Variants in NXN observed in about 807,000 individuals in gnomAD.
NXN encodes the protein nucleoredoxin 1.
NXN carries 16 observed loss-of-function variants against 48.6 expected under a neutral mutation model. The ratio of observed to expected loss-of-function variants is 0.33; its 90% confidence interval spans 0.22 to 0.50. NXN has a LOEUF of 0.50. Among genes scored for constraint, NXN ranks in the 20% least tolerant of loss-of-function variants. The pLI is 0.98. For synonymous variants in NXN, 281 were observed against 269.6 expected (o/e 1.04, Z -0.41); for missense variants, 492 against 605.5 (o/e 0.81, Z 1.97).
At position 872,724 on chromosome 17, in the gene NXN, G is replaced by A. The variant is rs543672774; in HGVS notation, c.361-46646C>T. Among the ~76,000 whole-genome samples, 33 of 148,392 alleles carry A rather than the reference G, an allele frequency of 2.2e-4. 1 individual carries two copies. Among genetic ancestry groups the A allele is most frequent in the East Asian group, 1.8e-3 (9 of 4,998 alleles). ...CAACCTCTGCCTCCTGGCCTCAAGCGAGTCTCCTGCCTCAACCTCCCAAGT... is the reference window on the plus strand; with the variant it reads ...CAACCTCTGCCTCCTGGCCTCAAGCAAGTCTCCTGCCTCAACCTCCCAAGT... On this transcript the variant is annotated intron_variant, in intron 1 of 7. Coordinates refer to ENST00000336868, the MANE Select transcript of NXN (RefSeq NM_022463.5).
Position 951,034 on chromosome 17 carries a change from C to T in NXN, c.360+28285G>A, listed in dbSNP as rs150381612. On this transcript the variant is annotated intron_variant, in intron 1 of 7. Coordinates refer to ENST00000336868, the MANE Select transcript of NXN (RefSeq NM_022463.5). The stretch of plus-strand genomic sequence containing the variant: ...AAAACCGGGTAGAACCCTAGTACTC[C>T]GCATTATAAAAAGCACTTCCGGCCG... Among the ~76,000 whole-genome samples, 64 of 151,958 alleles carry T rather than the reference C, an allele frequency of 4.2e-4. 1 individual carries two copies. The East Asian group carries it at 0.011, about 26-fold the overall frequency.
chr17:918,723 G>A (rs1200548759), intron 1 of NXN, among the ~76,000 whole-genome samples: 2 of 147,226 alleles, frequency 1.4e-5, no homozygotes, highest in Non-Finnish European at 3.0e-5. Context: ...CACCCGGGAG[G>A]CAGAGGCTGC....
chr17:888,040 G>A (rs528685749), intron 1 of NXN, among the ~76,000 whole-genome samples: 2 of 152,264 alleles, frequency 1.3e-5, no homozygotes, highest in African/African-American at 2.4e-5. Flanking sequence ...GCCAGGTACA[G>A]CACATGCTCA....
chr17:874,570 C>T (rs901810548), intron 1 of NXN, among the ~76,000 whole-genome samples: 2 of 152,036 alleles, frequency 1.3e-5, no homozygotes, highest in Non-Finnish European at 1.5e-5. Context: ...GGTGACAGAG[C>T]GAGACTCTGT....
At chr17:869,741 T>C (rs967877506) in intron 1 of NXN, among the ~76,000 whole-genome samples, 1 of 152,164 alleles carries the variant, frequency 6.6e-6, no homozygotes, top group Admixed American at 6.5e-5. Flanking sequence ...AGTCATAAAA[T>C]CTTGACGCTC....
chr17:805,020 T>TCCCCCCCCCCACCCCCC, intron 6 of NXN, 48 bp downstream of exon 6: 3 of 1,512,868 alleles, frequency 2.0e-6, no homozygotes, highest in Non-Finnish European at 2.7e-6. Flanking sequence ...GCCCCTCCTG[T>TCCCCCCCCCCACCCCCC]CCCGCCCCCC....
At chr17:848,351 G>A (rs536610481) in intron 1 of NXN, among the ~76,000 whole-genome samples, 1 of 152,228 alleles carries the variant, frequency 6.6e-6, no homozygotes, top group Non-Finnish European at 1.5e-5. Flanking sequence ...TGTTGGCCAG[G>A]GCTGGGCTCA....
chr17:926,779 C>T (rs990783919), intron 1 of NXN, among the ~76,000 whole-genome samples: 3 of 151,598 alleles, frequency 2.0e-5, no homozygotes, highest in Middle Eastern at 3.4e-3. Flanking sequence ...TGAGCTCAAG[C>T]GATCTGCCCG....
chr17:819,155 C>T (rs376475093), intron 5 of NXN: 1 of 418,858 alleles, frequency 2.4e-6, no homozygotes, highest in South Asian at 2.1e-5. Flanking sequence ...CCGTGTTGTC[C>T]AAACTGGTCT....
chr17:856,009 A>G (rs1307142474), intron 1 of NXN, among the ~76,000 whole-genome samples: 1 of 152,134 alleles, frequency 6.6e-6, no homozygotes, highest in Non-Finnish European at 1.5e-5. Flanking sequence ...CCTGGCCAAC[A>G]TGGTGAAACC....
At chr17:811,955 T>G (rs1443386969) in intron 5 of NXN, among the ~76,000 whole-genome samples, 1 of 131,668 alleles carries the variant, frequency 7.6e-6, no homozygotes, top group African/African-American at 3.0e-5. Context: ...TGAGACGGAG[T>G]CTCGCTCTGT....
At chr17:904,098 C>T (rs1414628987) in intron 1 of NXN, among the ~76,000 whole-genome samples, 1 of 152,182 alleles carries the variant, frequency 6.6e-6, no homozygotes, top group Admixed American at 6.5e-5. Flanking sequence ...TGTAGAATTC[C>T]TGCCAAGAAT....
intron 5 of NXN, among the ~76,000 whole-genome samples, chr17:815,711 GC>G (rs2144620764): frequency 6.6e-6 from 1 of 152,382 alleles, no homozygotes; most frequent in East Asian, 1.9e-4. Context: ...AGATCCCTAA[GC>G]TCTGCAAAGC....
Position 830,830 on chromosome 17 carries a change from A to G in NXN, c.361-4752T>C, listed in dbSNP as rs1414105223. Among the ~76,000 whole-genome samples the G allele has an allele frequency of 6.6e-6, 1 of 152,098 alleles. No individual in the cohort carries two copies. The highest frequency in any genetic ancestry group is 1.9e-4 in the East Asian group (1 of 5,162). On this transcript the variant is annotated intron_variant, in intron 1 of 7. Coordinates refer to ENST00000336868, the MANE Select transcript of NXN (RefSeq NM_022463.5). This position sits in a 1 kb window ranked among gnomAD's most constrained non-coding sequence, Gnocchi z 4.2. ...AGCCTGGCCAACACGGTGAAAGCCC[A>G]TCTCTACTAAAAATATAAAATTAAC... is the stretch of plus-strand genomic sequence containing the variant.
At chr17:939,025 C>T (rs944388272) in intron 1 of NXN, among the ~76,000 whole-genome samples, 2 of 151,762 alleles carry the variant, frequency 1.3e-5, no homozygotes, top group African/African-American at 4.8e-5. Flanking sequence ...GCACTCCAGC[C>T]TGGGCGACAA....
chr17:816,193 G>T (rs574714941), intron 5 of NXN, among the ~76,000 whole-genome samples: 2 of 152,264 alleles, frequency 1.3e-5, no homozygotes, highest in South Asian at 4.1e-4. Flanking sequence ...CCACTGTCCA[G>T]TTACAATCAG....
intron 1 of NXN, among the ~76,000 whole-genome samples, chr17:896,356 A>G (rs1277435835): frequency 6.6e-6 from 1 of 151,350 alleles, no homozygotes; most frequent in Admixed American, 6.6e-5. Context: ...AAAAAAAAAA[A>G]TTAAGTAAGC....
At chr17:822,135 C>T (rs550258437) in intron 4 of NXN, among the ~76,000 whole-genome samples, 46 of 151,784 alleles carry the variant, frequency 3.0e-4, no homozygotes, top group African/African-American at 1.1e-3. Context: ...AAAAATTAGC[C>T]GGGCATGGTG....
intron 1 of NXN, among the ~76,000 whole-genome samples, chr17:877,423 G>A (rs1314395082): frequency 2.6e-5 from 4 of 152,156 alleles, no homozygotes; most frequent in Admixed American, 6.5e-5. Flanking sequence ...TGGAATTACA[G>A]GCGTGAGCCA....
Sources: allele counts gnomAD v4.1 joint callset (sites outside exome capture counted in the v4.1 genomes callset), GRCh38; gene constraint gnomAD v4.1.1; non-coding constraint Gnocchi (gnomAD v3.1); transcripts MANE v1.5; gene names NCBI Gene and HGNC (gene_info 2026-07-23, HGNC 2026-07-21).